PPP2R5E: variants seen among roughly 807,000 people sequenced by gnomAD.
PPP2R5E encodes the protein protein phosphatase 2 regulatory subunit B'epsilon, also known as serine/threonine-protein phosphatase 2A 56 kDa regulatory subunit epsilon isoform.
In PPP2R5E, 4 loss-of-function variants were observed where a neutral mutation model predicts 65.3. The observed-to-expected ratio is 0.06, with a 90% CI of 0.03 to 0.14. The LOEUF (loss-of-function observed/expected upper bound fraction) is 0.14. PPP2R5E is among the 10% of genes least tolerant of loss of function. The probability of loss-of-function intolerance (pLI) is 1.00; values close to 1 mark genes in which losing one functional copy is unlikely to be tolerated. For synonymous variants in PPP2R5E, 183 were observed against 187.4 expected (o/e 0.98, Z 0.19); for missense variants, 274 against 556.1 (o/e 0.49, Z 5.10).
At chr14:63,381,997 A>T (rs1884393283) in intron 13 of PPP2R5E, 59 bp downstream of exon 13, 1 of 1,396,204 alleles carries the variant, frequency 7.2e-7, no homozygotes, top group Non-Finnish European at 9.8e-7. Context: ...TTCAGCAAAG[A>T]GCAAGGAAAA....
chr14:63,539,671 T>G lies in PPP2R5E; in HGVS notation c.15A>C (p.Pro5=). ...CTTTATCCACTGATGGAGGAGTAGT[T>G]GGTGCTGAGGACATATCCCTACTGA... MSSA[P]TTPPSVDKVD... is the part of the protein sequence containing the mutation. The change falls in exon 2 of 14, where the codon CCA becomes CCC. Residue 5 remains proline (P), a synonymous_variant. Transcript: ENST00000337537. The G allele has an allele frequency of 6.2e-7, 1 of 1,613,850 alleles. No homozygotes were observed. The highest frequency in any genetic ancestry group is 2.2e-5 in the East Asian group (1 of 44,876).
At chr14:63,508,248 A>G (rs2754223) in intron 2 of PPP2R5E, 297,850 of 984,280 alleles carry the variant, frequency 0.3, 52,272 homozygotes, top group African/African-American at 0.77. Flanking sequence ...TTCCTCTCTA[A>G]ACCACGCGGC....
Position 63,415,132 on chromosome 14 carries a change from T to G in PPP2R5E, c.549+8A>C, listed in dbSNP as rs768524540. 6.5e-7 allele frequency: 1 copy of G among 1,535,436 alleles called. No individual in the cohort carries two copies. Among genetic ancestry groups the G allele is most frequent in the South Asian group, 1.1e-5 (1 of 88,828 alleles). The stretch of plus-strand genomic sequence containing the variant: ...GACAAATACACACAACCACAATAAT[T>G]TGCTTACCTGTAATACAAATTTCTG... On this transcript the variant is annotated splice_region_variant and intron_variant, in intron 5 of 13. Coordinates refer to ENST00000337537, the MANE Select transcript of PPP2R5E (RefSeq NM_006246.5).
intron 5 of PPP2R5E, among the ~76,000 whole-genome samples, chr14:63,413,659 T>C (rs183659526): frequency 7.2e-5 from 11 of 152,334 alleles, no homozygotes; most frequent in African/African-American, 2.4e-4. Flanking sequence ...ACTATATACA[T>C]GCAAGGCTTT....
At chr14:63,428,022 A>G (rs907665292) in intron 3 of PPP2R5E, among the ~76,000 whole-genome samples, 1 of 150,294 alleles carries the variant, frequency 6.7e-6, no homozygotes, top group East Asian at 2.0e-4. Context: ...CATTTTTACT[A>G]CTCTCATTTT....
intron 2 of PPP2R5E, 132 bp downstream of exon 2, chr14:63,539,397 G>A (rs1893795569): frequency 3.1e-6 from 3 of 956,894 alleles, no homozygotes; most frequent in Admixed American, 2.9e-5. Context: ...TCACACATTA[G>A]TAACTTCAAT....
chr14:63,511,966 C>T (rs1428424944), intron 2 of PPP2R5E, among the ~76,000 whole-genome samples: 2 of 151,266 alleles, frequency 1.3e-5, no homozygotes, highest in East Asian at 3.9e-4. Context: ...GTAATCCCAG[C>T]TAGTCAGGAG....
At position 63,485,196 on chromosome 14, in the gene PPP2R5E, TAAA is replaced by T. The variant is rs200719135; in HGVS notation, c.158-31314_158-31312del. On this transcript the variant is annotated intron_variant, in intron 2 of 13. Transcript: ENST00000337537. ...AAGAACTGCTACTGCTATACTCATT[TAAA>T]AAAAAAAAAAAAAAAAACATACTGG... Among the ~76,000 whole-genome samples the T allele has an allele frequency of 1.9e-4, 24 of 126,376 alleles. 1 individual carries two copies. Among genetic ancestry groups the T allele is most frequent in the African/African-American group, 5.7e-4 (19 of 33,262 alleles). 82.9% of individuals were successfully genotyped at this position (126,376 alleles called of 152,430 possible). A position where few individuals can be genotyped will look rare whatever the true frequency, so the allele number is the denominator to read the frequency against.
intron 2 of PPP2R5E, among the ~76,000 whole-genome samples, chr14:63,515,249 T>C (rs1892622289): frequency 6.6e-6 from 1 of 152,214 alleles, no homozygotes; most frequent in Non-Finnish European, 1.5e-5. Context: ...TCAAACAGTA[T>C]ACACAACTGA....
intron 2 of PPP2R5E, among the ~76,000 whole-genome samples, chr14:63,500,664 CA>C (rs1231116352): frequency 3.3e-5 from 5 of 152,038 alleles, no homozygotes; most frequent in Non-Finnish European, 5.9e-5. Flanking sequence ...GACAATAGAG[CA>C]ACATAGATAG....
intron 13 of PPP2R5E, among the ~76,000 whole-genome samples, chr14:63,380,658 T>C (rs189314756): frequency 1.6e-3 from 236 of 150,628 alleles, no homozygotes; most frequent in South Asian, 8.0e-3. Flanking sequence ...CAAGACTCCA[T>C]CTCAAAAAAC....
intron 7 of PPP2R5E, 29 bp downstream of exon 7, chr14:63,395,197 A>G: frequency 6.4e-7 from 1 of 1,572,330 alleles, no homozygotes; most frequent in South Asian, 1.1e-5. Flanking sequence ...TATTCATCTG[A>G]GATTAGCAAT....
chr14:63,422,361 C>T (rs568094771), intron 3 of PPP2R5E, among the ~76,000 whole-genome samples: 18 of 152,274 alleles, frequency 1.2e-4, no homozygotes, highest in Non-Finnish European at 1.8e-4. Flanking sequence ...TGATTTCATA[C>T]CTCCCATCAA....
chr14:63,508,266 T>C (rs540231510), intron 2 of PPP2R5E: 3 of 969,862 alleles, frequency 3.1e-6, no homozygotes, highest in Admixed American at 1.2e-4. Flanking sequence ...GGCTCACTTG[T>C]TTACCCCAAT....
intron 2 of PPP2R5E, among the ~76,000 whole-genome samples, chr14:63,464,544 G>A (rs77710129): frequency 0.013 from 2,005 of 152,244 alleles, 44 homozygotes; most frequent in African/African-American, 0.045. Flanking sequence ...TGGAAAGTGG[G>A]GAAGAAAAGG....
At chr14:63,512,289 A>C (rs1433236383) in intron 2 of PPP2R5E, among the ~76,000 whole-genome samples, 1 of 152,192 alleles carries the variant, frequency 6.6e-6, no homozygotes, top group African/African-American at 2.4e-5. Flanking sequence ...AAAAGAAACC[A>C]AGCTGCACTT....
At chr14:63,485,651 T>C (rs997766520) in intron 2 of PPP2R5E, among the ~76,000 whole-genome samples, 2 of 151,684 alleles carry the variant, frequency 1.3e-5, no homozygotes, top group East Asian at 3.9e-4. Flanking sequence ...CAACCTCAGG[T>C]GATCCACCCG....
intron 13 of PPP2R5E, among the ~76,000 whole-genome samples, chr14:63,379,008 T>C (rs1458491807): frequency 6.6e-6 from 1 of 151,844 alleles, no homozygotes; most frequent in Non-Finnish European, 1.5e-5. Context: ...AAATTATTAT[T>C]CTTGCTTTTA....
Position 63,374,820 on chromosome 14 carries a change from C to T in PPP2R5E, c.*1189G>A, listed in dbSNP as rs1013150364. 6.6e-6 allele frequency: 1 copy of T among 151,686 alleles called. No homozygotes were observed. The highest frequency in any genetic ancestry group is 1.5e-5 in the Non-Finnish European group (1 of 67,830). 9.4% of individuals were successfully genotyped at this position (151,686 alleles called of 1,614,324 possible). The stretch of plus-strand genomic sequence containing the variant: ...TTTTTTTCAGTAGCATTTGTAGAAC[C>T]ACTTTTGGTAACAAATACAGTAGTT... On this transcript the variant is annotated 3_prime_UTR_variant, in exon 14 of 14. Transcript: ENST00000337537.
Sources: gnomAD v4.1 joint callset for allele counts (sites outside exome capture counted in the v4.1 genomes callset) on GRCh38, gnomAD v4.1.1 for gene constraint, MANE v1.5 for transcripts, NCBI Gene and HGNC (gene_info 2026-07-23, HGNC 2026-07-21) for gene names.